The following MPDZ variants were observed in gnomAD, a reference collection of about 807,000 sequenced individuals.
MPDZ encodes the protein multiple PDZ domain crumbs cell polarity complex component, also known as multiple PDZ domain protein.
In MPDZ, 234 loss-of-function variants were observed where a neutral mutation model predicts 239.1. That is an observed-to-expected ratio of 0.98 (90% CI 0.88 to 1.09). The LOEUF is 1.09. Among genes scored for constraint, MPDZ ranks in the 50% least tolerant of loss-of-function variants. The pLI is 0.00. For synonymous variants in MPDZ, 1,048 were observed against 881.3 expected (o/e 1.19, Z -3.35); for missense variants, 3,175 against 2,510.0 (o/e 1.26, Z -5.66).
chr9:13,120,866 C>A (rs890255057), intron 38 of MPDZ, among the ~76,000 whole-genome samples: 2 of 152,068 alleles, frequency 1.3e-5, no homozygotes, highest in African/African-American at 4.8e-5. Flanking sequence ...CAAGAAATGA[C>A]AAAATAAACT....
At chr9:13,190,601 G>A (rs1458310377) in intron 15 of MPDZ, among the ~76,000 whole-genome samples, 2 of 152,024 alleles carry the variant, frequency 1.3e-5, no homozygotes, top group East Asian at 3.9e-4. Flanking sequence ...TTTCATCAGT[G>A]TTTCAATCAT....
At chr9:13,192,640 A>G (rs932143615) in intron 14 of MPDZ, among the ~76,000 whole-genome samples, 2 of 152,162 alleles carry the variant, frequency 1.3e-5, no homozygotes, top group African/African-American at 4.8e-5. Flanking sequence ...GTATAATTAT[A>G]AAGTAAAAAA....
intron 17 of MPDZ, among the ~76,000 whole-genome samples, chr9:13,186,607 T>C (rs1012015227): frequency 1.3e-5 from 2 of 152,158 alleles, no homozygotes; most frequent in African/African-American, 4.8e-5. Flanking sequence ...TTTACTCTAA[T>C]ATAAAAATCA....
Position 13,270,613 on chromosome 9 carries a change from T to C in MPDZ, c.-58+8787A>G, listed in dbSNP as rs577437758. On this transcript the variant is annotated intron_variant, in intron 1 of 46. Coordinates refer to ENST00000319217, the MANE Select transcript of MPDZ (RefSeq NM_001378778.1). Reference sequence around the variant, plus strand: ...AACAATGTTTACACTGATTATATTTTGAAAGAATAATTTGAAGAAACTGGG... The same window carrying C: ...AACAATGTTTACACTGATTATATTTCGAAAGAATAATTTGAAGAAACTGGG... Among the ~76,000 whole-genome samples the C allele has an allele frequency of 2.0e-5, 3 of 152,266 alleles. No individual in the cohort carries two copies. The South Asian group carries it at 6.2e-4, about 32-fold the overall frequency.
At chr9:13,168,831 G>A (rs1486586103) in intron 21 of MPDZ, among the ~76,000 whole-genome samples, 1 of 152,126 alleles carries the variant, frequency 6.6e-6, no homozygotes, top group African/African-American at 2.4e-5. Context: ...ACCATGTGAT[G>A]TGCTGACCCC....
intron 23 of MPDZ, 67 bp downstream of exon 23, chr9:13,162,624 C>G: frequency 9.7e-7 from 1 of 1,033,926 alleles, no homozygotes; most frequent in East Asian, 2.6e-5. Context: ...TCCTCCCTGA[C>G]TCTGAATTCC....
chr9:13,178,014 C>T (rs1318333829), intron 19 of MPDZ, among the ~76,000 whole-genome samples: 2 of 152,196 alleles, frequency 1.3e-5, no homozygotes, highest in East Asian at 3.9e-4. Flanking sequence ...GGGGTCTCAT[C>T]GTGATGGTCT....
chr9:13,212,674 TG>T (rs1382533883), intron 10 of MPDZ, among the ~76,000 whole-genome samples: 4 of 149,404 alleles, frequency 2.7e-5, no homozygotes, highest in Non-Finnish European at 5.9e-5. Context: ...TGCTATCTCA[TG>T]AAAAGAAGAG....
chr9:13,237,834 T>A (rs1163243267), intron 3 of MPDZ, among the ~76,000 whole-genome samples: 1 of 152,210 alleles, frequency 6.6e-6, no homozygotes, highest in Non-Finnish European at 1.5e-5. Context: ...TCAGCAAGTA[T>A]AACTTTTGTA....
At chr9:13,147,323 T>G (rs1173339471) in intron 26 of MPDZ, among the ~76,000 whole-genome samples, 1 of 152,082 alleles carries the variant, frequency 6.6e-6, no homozygotes, top group African/African-American at 2.4e-5. Flanking sequence ...CTGATAAATC[T>G]ACTTCTGTGT....
rs1295306050 is a variant in MPDZ, at chr9:13,136,173, A to T, written c.4302T>A (p.Asp1434Glu). Reference sequence around the variant, plus strand: ...GACATACGGCCATCTGATTCACTGCATCTTTATTTCTAAAAGCAAAAAAAC... The same window carrying T: ...GACATACGGCCATCTGATTCACTGCTTCTTTATTTCTAAAAGCAAAAAAAC... ...KVKIIFIRNK[D>E]AVNQMAVCPG... is the part of the protein sequence containing the mutation. Residue 1434 changes from aspartate (D) to glutamate (E), a missense_variant, in exon 31 of 47, where the codon GAT becomes GAA. Transcript: ENST00000319217. The T allele has an allele frequency of 1.9e-6, 3 of 1,611,334 alleles. No individual in the cohort carries two copies. Among genetic ancestry groups the T allele is most frequent in the Non-Finnish European group, 2.5e-6 (3 of 1,178,378 alleles).
At chr9:13,176,553 T>G (rs1158802654) in intron 19 of MPDZ, 136 bp from the exon 20 acceptor site, 2 of 789,396 alleles carry the variant, frequency 2.5e-6, no homozygotes, top group Admixed American at 6.5e-5. Flanking sequence ...CAAAAAGCAT[T>G]AACAAACACA....
intron 3 of MPDZ, among the ~76,000 whole-genome samples, chr9:13,237,583 G>GA (rs962370376): frequency 2.4e-4 from 34 of 144,154 alleles, no homozygotes; most frequent in Middle Eastern, 3.6e-3. Context: ...TATCGTATTT[G>GA]AAAAAAAAAA....
intron 24 of MPDZ, among the ~76,000 whole-genome samples, chr9:13,153,838 A>G (rs922710231): frequency 6.6e-6 from 1 of 152,174 alleles, no homozygotes; most frequent in Non-Finnish European, 1.5e-5. Context: ...GAAAGAAGGA[A>G]AGAAAATGTC....
chr9:13,216,977 G>A lies in MPDZ; in HGVS notation c.1202-115C>T. On this transcript the variant is annotated intron_variant, in intron 9 of 46. Transcript: ENST00000319217. ...CAGAATAAATACGTATCATCTAGTA[G>A]AAACACAGGCTAAAGAATAAGATAA... 3 of 836,064 alleles carry A rather than the reference G, an allele frequency of 3.6e-6. No homozygotes were observed. In the South Asian group the frequency reaches 5.1e-5, roughly 14 times the overall value. The allele number at this position is 836,064 out of a possible 1,614,324, so 51.8% of individuals were successfully genotyped here.
At chr9:13,274,256 A>AT (rs200894616) in intron 1 of MPDZ, among the ~76,000 whole-genome samples, 54 of 147,104 alleles carry the variant, frequency 3.7e-4, no homozygotes, top group East Asian at 5.9e-4. Flanking sequence ...TTTTTTCTTA[A>AT]TTTTTTTTTT....
Position 13,254,047 on chromosome 9 carries a change from A to G in MPDZ, c.-57-3675T>C, listed in dbSNP as rs567480900. The stretch of plus-strand genomic sequence containing the variant: ...CAGAGTCCACAATTTAATTTCTACA[A>G]TATGCTGCCTCTAGAAAGCAAGATT... On this transcript the variant is annotated intron_variant, in intron 1 of 46. Transcript: ENST00000319217. 1.4e-4 allele frequency among the ~76,000 whole-genome samples: 22 copies of G among 152,336 alleles called. No individual in the cohort carries two copies. The South Asian group carries it at 4.3e-3, about 30-fold the overall frequency.
At chr9:13,265,316 T>C (rs1348669968) in intron 1 of MPDZ, among the ~76,000 whole-genome samples, 1 of 152,182 alleles carries the variant, frequency 6.6e-6, no homozygotes, top group Non-Finnish European at 1.5e-5. Flanking sequence ...TCACCTGTCA[T>C]CCCAGCACTT....
intron 32 of MPDZ, among the ~76,000 whole-genome samples, chr9:13,128,427 G>C (rs972010304): frequency 1.3e-5 from 2 of 152,158 alleles, no homozygotes; most frequent in African/African-American, 4.8e-5. Context: ...AATCATCTTG[G>C]AAGCAATGTC....
Sources: gnomAD v4.1 joint callset for allele counts (sites outside exome capture counted in the v4.1 genomes callset) on GRCh38, gnomAD v4.1.1 for gene constraint, MANE v1.5 for transcripts, NCBI Gene and HGNC (gene_info 2026-07-23, HGNC 2026-07-21) for gene names.